The following UGT1A8 variants were observed in gnomAD, a reference collection of about 807,000 sequenced individuals.
The protein encoded by UGT1A8 is UDP-glucuronosyltransferase 1A8.
A neutral mutation model predicts 45.3 loss-of-function variants in UGT1A8; 39 were observed. The observed-to-expected ratio is 0.86, with a 90% CI of 0.67 to 1.12. UGT1A8 has a LOEUF of 1.12. Ranked by LOEUF, UGT1A8 falls within the 50% of genes most tolerant of loss-of-function variation. The pLI, the probability that UGT1A8 is intolerant of heterozygous loss-of-function variation, is 0.00. For synonymous variants in UGT1A8, 275 were observed against 249.2 expected (o/e 1.10, Z -0.97); for missense variants, 719 against 664.9 (o/e 1.08, Z -0.90).
intron 1 of UGT1A8, among the ~76,000 whole-genome samples, chr2:233,723,485 C>T (rs1440539841): frequency 7.3e-6 from 1 of 137,690 alleles, no homozygotes; most frequent in Non-Finnish European, 1.5e-5. Flanking sequence ...GCTAGGATTC[C>T]AGGTGTGAGC....
chr2:233,622,216 C>A (rs754493662), intron 1 of UGT1A8, among the ~76,000 whole-genome samples: 4 of 151,996 alleles, frequency 2.6e-5, no homozygotes, highest in African/African-American at 7.3e-5. Context: ...TTTATAGTAC[C>A]ATGATTTATA....
intron 1 of UGT1A8, among the ~76,000 whole-genome samples, chr2:233,695,933 C>T (rs891673368): frequency 9.9e-5 from 15 of 152,070 alleles, no homozygotes; most frequent in African/African-American, 3.6e-4. Context: ...AGCAAGCAGG[C>T]AATTCTGCCA....
At chr2:233,697,250 C>T (rs1170124115) in intron 1 of UGT1A8, among the ~76,000 whole-genome samples, 1 of 152,006 alleles carries the variant, frequency 6.6e-6, no homozygotes, top group African/African-American at 2.4e-5. Flanking sequence ...CTGCTTCAAT[C>T]TTGTTACTTA....
In UGT1A8 at chr2:233,731,732, C is replaced by T. The variant is rs376493971; in HGVS notation, c.856-35302C>T. Among the ~76,000 whole-genome samples, 8 of 152,220 alleles carry T rather than the reference C, an allele frequency of 5.3e-5. No homozygotes were observed. In the East Asian group the frequency reaches 1.3e-3, roughly 26 times the overall value. On this transcript the variant is annotated intron_variant, in intron 1 of 4. Transcript: ENST00000373450. ...CAGGTCTTTGCTATTGTGAATAGTG[C>T]CACAATAAACATACGTGTGCATGTG...
At chr2:233,718,622 T>C (rs2125661272) in intron 1 of UGT1A8, 2 of 893,490 alleles carry the variant, frequency 2.2e-6, no homozygotes, top group Non-Finnish European at 2.7e-6. Flanking sequence ...TAGGCGTGAT[T>C]GGTCTTTCCC....
chr2:233,745,268 C>T (rs755257414), intron 1 of UGT1A8, among the ~76,000 whole-genome samples: 3 of 151,698 alleles, frequency 2.0e-5, no homozygotes, highest in Non-Finnish European at 4.4e-5. Context: ...ACTTGCAGGC[C>T]GTGTGTATAG....
intron 1 of UGT1A8, chr2:233,747,618 G>A (rs1433302665): frequency 1.3e-5 from 21 of 1,574,996 alleles, no homozygotes; most frequent in Middle Eastern, 1.7e-4. Flanking sequence ...GCATAATGAG[G>A]CCCTGATCAG....
intron 1 of UGT1A8, among the ~76,000 whole-genome samples, chr2:233,759,775 C>T (rs756322145): frequency 1.3e-5 from 2 of 152,048 alleles, no homozygotes; most frequent in African/African-American, 4.8e-5. Context: ...TATTGTTGGA[C>T]GAAGGAATGA....
chr2:233,693,159 G>A (rs771283740), intron 1 of UGT1A8: 12 of 1,614,064 alleles, frequency 7.4e-6, no homozygotes, highest in South Asian at 4.4e-5. Flanking sequence ...CTCAGTGACC[G>A]GGGTCATGAG....
At chr2:233,685,017 G>A (rs1280301846) in intron 1 of UGT1A8, among the ~76,000 whole-genome samples, 1 of 152,158 alleles carries the variant, frequency 6.6e-6, no homozygotes, top group East Asian at 1.9e-4. Context: ...GCACGTATGT[G>A]TCTGTATGTG....
intron 1 of UGT1A8, among the ~76,000 whole-genome samples, chr2:233,629,832 T>C (rs2125453761): frequency 6.6e-6 from 1 of 152,290 alleles, no homozygotes; most frequent in East Asian, 1.9e-4. Flanking sequence ...GGGTTATGCA[T>C]TTATTCTTGT....
chr2:233,695,574 C>T (rs1290586951), intron 1 of UGT1A8, among the ~76,000 whole-genome samples: 3 of 151,864 alleles, frequency 2.0e-5, no homozygotes, highest in Non-Finnish European at 4.4e-5. Context: ...ACCCCCCCTT[C>T]CCTACTTACC....
chr2:233,762,317 G>A (rs1012731348), intron 1 of UGT1A8, among the ~76,000 whole-genome samples: 5 of 152,210 alleles, frequency 3.3e-5, no homozygotes, highest in African/African-American at 1.2e-4. Flanking sequence ...AATGGGTCGA[G>A]AGTAATCCAC....
chr2:233,679,313 C>A (rs1461081979), intron 1 of UGT1A8, among the ~76,000 whole-genome samples: 2 of 152,196 alleles, frequency 1.3e-5, no homozygotes, highest in African/African-American at 4.8e-5. Flanking sequence ...TGGAACCAAT[C>A]CAGAAAACGC....
rs371183955 is a variant in UGT1A8, at chr2:233,772,416, C to T, written c.1450C>T (p.His484Tyr). 1.7e-5 allele frequency: 28 copies of T among 1,614,228 alleles called. 1 individual carries two copies. The East Asian group carries it at 2.5e-4, about 14-fold the overall frequency. ...AAHDLTWYQY[H>Y]SLDVIGFLLA... ...CCACGACCTCACCTGGTACCAGTAC[C>T]ATTCCTTGGACGTGATTGGTTTCCT... Residue 484 changes from histidine to tyrosine, a missense_variant, in exon 5 of 5, where the codon CAT becomes TAT. Transcript: ENST00000373450.
At chr2:233,640,900 A>C (rs1222068971) in intron 1 of UGT1A8, among the ~76,000 whole-genome samples, 1 of 152,162 alleles carries the variant, frequency 6.6e-6, no homozygotes, top group Non-Finnish European at 1.5e-5. Flanking sequence ...GGCTGGCAGG[A>C]CCAGGGGAAA....
intron 1 of UGT1A8, among the ~76,000 whole-genome samples, chr2:233,702,761 G>T (rs2125590907): frequency 1.3e-5 from 2 of 152,252 alleles, no homozygotes; most frequent in South Asian, 4.1e-4. Flanking sequence ...AGTGATATGT[G>T]TTAATTGATT....
chr2:233,718,017 C>T (rs2076622656), intron 1 of UGT1A8: 3 of 393,308 alleles, frequency 7.6e-6, no homozygotes, highest in South Asian at 1.9e-5. Flanking sequence ...CAGGCTCCAG[C>T]TCCCCAGGTC....
At chr2:233,663,946 T>C (rs1398623476) in intron 1 of UGT1A8, among the ~76,000 whole-genome samples, 1 of 152,220 alleles carries the variant, frequency 6.6e-6, no homozygotes, top group East Asian at 1.9e-4. Context: ...AGTCATTTCT[T>C]TGTCCTTGCA....
Sources: gnomAD v4.1 joint callset for allele counts (sites outside exome capture counted in the v4.1 genomes callset) on GRCh38, gnomAD v4.1.1 for gene constraint, MANE v1.5 for transcripts, NCBI Gene and HGNC (gene_info 2026-07-23, HGNC 2026-07-21) for gene names.